SPEN: variants seen among roughly 807,000 people sequenced by gnomAD.
The protein encoded by SPEN is msx2-interacting protein.
Under a neutral mutation model 269.9 loss-of-function variants are expected in SPEN, and 18 were observed. That is an observed-to-expected ratio of 0.07 (90% confidence interval 0.05 to 0.10). SPEN has a LOEUF of 0.10. SPEN is among the 10% of genes least tolerant of loss of function. The pLI is 1.00. For missense variants in SPEN, 3,822 were observed against 4,631.2 expected, an observed-to-expected ratio of 0.83 and a Z score of 5.07; for synonymous variants, 1,726 against 1,765.7, an observed-to-expected ratio of 0.98 and a Z score of 0.56.
At chr1:15,911,013 G>A (rs918819068) in intron 4 of SPEN, 88 bp from the exon 5 acceptor site, 121 of 1,178,006 alleles carry the variant, frequency 1.0e-4, no homozygotes, top group Non-Finnish European at 1.3e-4. Flanking sequence ...AAAAAAATGA[G>A]AAAATCAGGC....
intron 1 of SPEN, among the ~76,000 whole-genome samples, chr1:15,863,459 A>G (rs2070467245): frequency 6.6e-6 from 1 of 152,154 alleles, no homozygotes; most frequent in Non-Finnish European, 1.5e-5. Context: ...ATAGGGGTAT[A>G]GTTTTATTGG....
chr1:15,922,199 C>A, intron 9 of SPEN, 50 bp from the exon 10 acceptor site: 1 of 1,342,792 alleles, frequency 7.4e-7, no homozygotes, highest in Non-Finnish European at 1.0e-6. Context: ...AACATTTTTC[C>A]ATCATTAAAA....
rs773207169 is a variant in SPEN at position 15,932,863 on chromosome 1, A to G, written c.6623A>G (p.His2208Arg). 8 of 1,614,116 alleles carry G rather than the reference A, an allele frequency of 5.0e-6. No homozygotes were observed. In the African/African-American group the frequency reaches 6.7e-5, roughly 13 times the overall value. ...LAPEDRDKPAHQASETELAAA... is the reference protein window; with the variant it reads ...LAPEDRDKPARQASETELAAA... ...CCAGAGGACAGGGACAAGCCTGCAC[A>G]CCAAGCAAGTGAAACAGAGCTGGCT... Residue 2208 changes from histidine to arginine, a missense_variant, in exon 11 of 15, where the codon CAC becomes CGC. This residue lies in a region of SPEN where 727 missense variants were observed against 737.9 expected (regional missense o/e 0.99). Transcript: ENST00000375759. This position sits in a 1 kb window ranked among gnomAD's most constrained non-coding sequence, Gnocchi z 4.2.
At chr1:15,888,993 T>C (rs1321467807) in intron 3 of SPEN, among the ~76,000 whole-genome samples, 2 of 152,170 alleles carry the variant, frequency 1.3e-5, no homozygotes, top group African/African-American at 2.4e-5. Flanking sequence ...TCTTTCCTTA[T>C]ATCTCTTTTG....
At position 15,929,940 on chromosome 1, in the gene SPEN, G is replaced by A. The variant is rs199763346; in HGVS notation, c.3700G>A (p.Asp1234Asn). Residue 1234 changes from aspartate (D) to asparagine (N), a missense_variant, in exon 11 of 15, where the codon GAT (aspartate) becomes AAT (asparagine). Coordinates refer to ENST00000375759, the MANE Select transcript of SPEN (RefSeq NM_015001.3). This position sits in a 1 kb window ranked among gnomAD's most constrained non-coding sequence, Gnocchi z 5.8. The part of the protein sequence containing the change: ...PSKKKRMDHV[D>N]FDICTKRERN... Reference sequence around the variant, plus strand: ...CAAAAAGAAAAGGATGGATCATGTCGATTTTGATATCTGCACCAAGCGAGA... The same window carrying A: ...CAAAAAGAAAAGGATGGATCATGTCAATTTTGATATCTGCACCAAGCGAGA... The A allele has an allele frequency of 1.9e-5, 30 of 1,614,120 alleles. No individual in the cohort carries two copies. In the East Asian group the frequency reaches 6.0e-4, roughly 32 times the overall value.
chr1:15,936,827 A>C (rs1408471559), intron 11 of SPEN, among the ~76,000 whole-genome samples: 1 of 152,198 alleles, frequency 6.6e-6, no homozygotes, highest in Non-Finnish European at 1.5e-5. Context: ...GTACAAGTGA[A>C]CTGGTCAGCT....
chr1:15,857,445 C>T (rs1218476565), intron 1 of SPEN, among the ~76,000 whole-genome samples: 1 of 152,072 alleles, frequency 6.6e-6, no homozygotes, highest in Non-Finnish European at 1.5e-5. Flanking sequence ...CAACCTCTGC[C>T]TCCCGGGTTC....
chr1:15,934,386 G>T lies in SPEN; in HGVS notation c.8146G>T (p.Gly2716Cys). 1 of 1,613,596 alleles carries T rather than the reference G, an allele frequency of 6.2e-7. No homozygotes were observed. ...VLTTPVNATV[G>C]TVNAAPGTVN... The stretch of plus-strand genomic sequence containing the variant: ...CACCACTCCAGTGAACGCCACGGTG[G>T]GCACAGTGAATGCCGCCCCAGGCAC... Residue 2716 changes from glycine to cysteine, a missense_variant, in exon 11 of 15, where the codon GGC becomes TGC. Gly to Cys is a radical substitution (Grantham distance 159). This residue lies in a region of SPEN where 329 missense variants were observed against 431.2 expected (regional missense o/e 0.76). Coordinates refer to ENST00000375759, the MANE Select transcript of SPEN (RefSeq NM_015001.3). This position sits in a 1 kb window ranked among gnomAD's most constrained non-coding sequence, Gnocchi z 9.2.
chr1:15,867,055 A>G (rs770849096), intron 1 of SPEN, among the ~76,000 whole-genome samples: 1 of 152,200 alleles, frequency 6.6e-6, no homozygotes, highest in Non-Finnish European at 1.5e-5. Flanking sequence ...TAATATATTC[A>G]CAGAGTTGCG....
chr1:15,886,968 T>G (rs1254764642), intron 3 of SPEN, among the ~76,000 whole-genome samples: 1 of 152,220 alleles, frequency 6.6e-6, no homozygotes, highest in Non-Finnish European at 1.5e-5. Context: ...GGTTTTAATT[T>G]ACTCTGGATG....
At chr1:15,897,384 C>T (rs1211952254) in intron 3 of SPEN, among the ~76,000 whole-genome samples, 14 of 145,834 alleles carry the variant, frequency 9.6e-5, no homozygotes, top group African/African-American at 3.1e-4. Flanking sequence ...TTTTTTGAGA[C>T]GGAGTTTCGC....
chr1:15,864,586 T>C (rs1489860408), intron 1 of SPEN, among the ~76,000 whole-genome samples: 1 of 146,508 alleles, frequency 6.8e-6, no homozygotes, highest in Non-Finnish European at 1.5e-5. Context: ...AATTTCTAGG[T>C]GTGTGAACTT....
At chr1:15,856,988 T>C (rs1376997530) in intron 1 of SPEN, among the ~76,000 whole-genome samples, 2 of 152,134 alleles carry the variant, frequency 1.3e-5, no homozygotes, top group Non-Finnish European at 2.9e-5. Flanking sequence ...GTGGACACAA[T>C]AGTCAGTGAA....
chr1:15,848,193 C>T lies in SPEN; in HGVS notation c.83+43C>T. The T allele has an allele frequency of 7.3e-7, 1 of 1,360,674 alleles. No individual in the cohort carries two copies. The highest frequency in any genetic ancestry group is 9.8e-7 in the Non-Finnish European group (1 of 1,015,852). The allele number at this position is 1,360,674 out of a possible 1,614,324, so 84.3% of individuals were successfully genotyped here. On this transcript the variant is annotated intron_variant, in intron 1 of 14. Transcript: ENST00000375759. The surrounding 1 kb of genome is among the most constrained non-coding windows in gnomAD (Gnocchi z 5.1). Reference sequence around the variant, plus strand: ...CGCGGCCGCGCTCGCTCCTCGGGCGCCGCTTCCCGCCCCGGCCCGTTGCCG... The same window carrying T: ...CGCGGCCGCGCTCGCTCCTCGGGCGTCGCTTCCCGCCCCGGCCCGTTGCCG...
In SPEN at chr1:15,930,286, G is replaced by A. The variant is rs1243467304; in HGVS notation, c.4046G>A (p.Gly1349Asp). 9 of 1,614,138 alleles carry A rather than the reference G, an allele frequency of 5.6e-6. No homozygotes were observed. The highest frequency in any genetic ancestry group is 7.6e-6 in the Non-Finnish European group (9 of 1,180,024). ...RWDSQMKQDA[G>D]RFDVSFPNSI... ...GACTCTCAGATGAAACAGGATGCTGGCAGATTTGATGTGAGTTTCCCAAAC... is the reference window on the plus strand; with the variant it reads ...GACTCTCAGATGAAACAGGATGCTGACAGATTTGATGTGAGTTTCCCAAAC... The change falls in exon 11 of 15, where the codon GGC becomes GAC. Residue 1349 changes from glycine (G) to aspartate (D), a missense_variant. Physicochemically the swap from Gly to Asp is moderately conservative, Grantham distance 94. Coordinates refer to ENST00000375759, the MANE Select transcript of SPEN (RefSeq NM_015001.3). This position sits in a 1 kb window ranked among gnomAD's most constrained non-coding sequence, Gnocchi z 5.3.
chr1:15,899,461 T>C (rs2070877037), intron 3 of SPEN, among the ~76,000 whole-genome samples: 2 of 151,624 alleles, frequency 1.3e-5, no homozygotes, highest in African/African-American at 4.8e-5. Flanking sequence ...ATTACAGGCG[T>C]GAGCCACTGC....
At chr1:15,871,938 A>G (rs2070580935) in intron 1 of SPEN, among the ~76,000 whole-genome samples, 2 of 152,120 alleles carry the variant, frequency 1.3e-5, no homozygotes, top group Admixed American at 1.3e-4. Context: ...AAAACTTCTG[A>G]GAAGTGTATT....
intron 3 of SPEN, among the ~76,000 whole-genome samples, chr1:15,884,134 G>C (rs1033390068): frequency 6.6e-6 from 1 of 151,922 alleles, no homozygotes; most frequent in African/African-American, 2.4e-5. Context: ...ACAGTAATTA[G>C]AATATTTAAT....
At position 15,929,084 on chromosome 1, in the gene SPEN, T is replaced by C. The variant is rs2071196358; in HGVS notation, c.2844T>C (p.His948=). Residue 948 remains histidine (H), a synonymous_variant, in exon 11 of 15, where the codon CAT becomes CAC. Coordinates refer to ENST00000375759, the MANE Select transcript of SPEN (RefSeq NM_015001.3). The surrounding 1 kb of genome is among the most constrained non-coding windows in gnomAD (Gnocchi z 5.8). ...KVPKEKGLSS[H]VEVVEKEGRL... ...CAAAGGAAAAGGGGCTTTCAAGCCA[T>C]GTTGAAGTGGTGGAGAAGGAAGGCA... 6.2e-7 allele frequency: 1 copy of C among 1,614,090 alleles called. No individual in the cohort carries two copies. The highest frequency in any genetic ancestry group is 8.5e-7 in the Non-Finnish European group (1 of 1,180,028).
Sources: allele counts gnomAD v4.1 joint callset (sites outside exome capture counted in the v4.1 genomes callset), GRCh38; gene constraint gnomAD v4.1.1; regional missense constraint gnomAD v4.1.1; non-coding constraint Gnocchi (gnomAD v3.1); transcripts MANE v1.5; gene names NCBI Gene and HGNC (gene_info 2026-07-23, HGNC 2026-07-21).